The following ZDHHC13 variants were observed in gnomAD, a reference collection of about 807,000 sequenced individuals.
ZDHHC13 encodes zDHHC palmitoyltransferase 13.
Under a neutral mutation model 86.0 loss-of-function variants are expected in ZDHHC13, and 85 were observed. That is an observed-to-expected ratio of 0.99 (90% CI 0.83 to 1.18). ZDHHC13 has a LOEUF of 1.18. Among genes scored for constraint, ZDHHC13 ranks in the 50% most tolerant of loss-of-function variants. ZDHHC13 has a pLI of 0.00. For synonymous variants in ZDHHC13, 263 were observed against 246.4 expected, an observed-to-expected ratio of 1.07 and a Z score of -0.63; for missense variants, 711 against 730.2, an observed-to-expected ratio of 0.97 and a Z score of 0.30.
chr11:19,172,131 G>A (rs982005618), intron 15 of ZDHHC13, among the ~76,000 whole-genome samples: 3 of 152,156 alleles, frequency 2.0e-5, no homozygotes, highest in African/African-American at 7.2e-5. Flanking sequence ...GGAGTGCAGT[G>A]GCGGGATCTC....
chr11:19,156,111 A>G (rs1162222002), intron 9 of ZDHHC13, among the ~76,000 whole-genome samples, 182 bp downstream of exon 9: 2 of 152,224 alleles, frequency 1.3e-5, no homozygotes, highest in African/African-American at 4.8e-5. Flanking sequence ...GCTGAAAGCA[A>G]GTTGCTCAAC....
At chr11:19,151,857 A>G (rs1849616009) in intron 6 of ZDHHC13, among the ~76,000 whole-genome samples, 1 of 152,120 alleles carries the variant, frequency 6.6e-6, no homozygotes, top group African/African-American at 2.4e-5. Context: ...TCTATATTCA[A>G]AGAAAAGTGT....
intron 16 of ZDHHC13, among the ~76,000 whole-genome samples, chr11:19,174,850 T>C (rs979107595): frequency 1.3e-5 from 2 of 152,170 alleles, no homozygotes; most frequent in Non-Finnish European, 2.9e-5. Flanking sequence ...CCAGAGTAGC[T>C]GGAGCAGGAG....
In ZDHHC13 at chr11:19,165,126, G is replaced by A. The variant is rs546718163; in HGVS notation, c.1371G>A (p.Leu457=). 1.2e-6 allele frequency: 2 copies of A among 1,612,704 alleles called. No individual in the cohort carries two copies. The highest frequency in any genetic ancestry group is 2.2e-5 in the East Asian group (1 of 44,860). ...CCVARYDQHC[L]WTGRCIGFGN... is the part of the protein sequence containing the mutation. ...TGGCTCGATATGATCAACACTGCCT[G>A]TGGACTGGACGGTGCATAGGTGAGA... Residue 457 remains leucine (L), a synonymous_variant, in exon 13 of 17, where the codon CTG becomes CTA. Transcript: ENST00000446113.
Position 19,158,922 on chromosome 11 carries a change from T to A in ZDHHC13, c.1008-18T>A. 6.8e-7 allele frequency: 1 copy of A among 1,473,024 alleles called. No individual in the cohort carries two copies. The highest frequency in any genetic ancestry group is 1.3e-5 in the South Asian group (1 of 75,046). 91.2% of individuals were successfully genotyped at this position (1,473,024 alleles called of 1,614,324 possible). A position where few individuals can be genotyped will look rare whatever the true frequency, so the allele number is the denominator to read the frequency against. Reference sequence around the variant, plus strand: ...TACAAGTCATACTAATAACTTATATTTATCTTTTTTCTTTTAGGTTCTTGG... The same window carrying A: ...TACAAGTCATACTAATAACTTATATATATCTTTTTTCTTTTAGGTTCTTGG... On this transcript the variant is annotated intron_variant, in intron 9 of 16. Transcript: ENST00000446113.
intron 10 of ZDHHC13, among the ~76,000 whole-genome samples, chr11:19,159,984 A>T (rs1288217933): frequency 6.6e-6 from 1 of 152,010 alleles, no homozygotes; most frequent in East Asian, 1.9e-4. Context: ...TATACCTTTC[A>T]GTGTGTTCAT....
At chr11:19,118,458 C>A (rs888382369) in intron 1 of ZDHHC13, among the ~76,000 whole-genome samples, 2 of 152,220 alleles carry the variant, frequency 1.3e-5, no homozygotes, top group African/African-American at 4.8e-5. Flanking sequence ...GTTGAATCTT[C>A]ACATGGAAAC....
At chr11:19,169,188 AG>A (rs1850152192) in intron 14 of ZDHHC13, 1 of 985,256 alleles carries the variant, frequency 1.0e-6, no homozygotes, top group African/African-American at 1.7e-5. Context: ...GAAAGAAAAT[AG>A]ATATTCTTTC....
Position 19,176,032 on chromosome 11 carries a change from G to T in ZDHHC13, c.*72G>T. Reference sequence around the variant, plus strand: ...CGATGCCCTGTAGTTTGAAAGTGAAGTAAAGATTTAGAATTCACCTAAGTC... The same window carrying T: ...CGATGCCCTGTAGTTTGAAAGTGAATTAAAGATTTAGAATTCACCTAAGTC... On this transcript the variant is annotated 3_prime_UTR_variant, in exon 17 of 17. Coordinates refer to ENST00000446113, the MANE Select transcript of ZDHHC13 (RefSeq NM_019028.3). 1.3e-6 allele frequency: 2 copies of T among 1,492,676 alleles called. No individual in the cohort carries two copies. 92.5% of individuals were successfully genotyped at this position (1,492,676 alleles called of 1,614,324 possible).
At chr11:19,170,776 C>G (rs1410699704) in intron 15 of ZDHHC13, among the ~76,000 whole-genome samples, 1 of 152,102 alleles carries the variant, frequency 6.6e-6, no homozygotes, top group Non-Finnish European at 1.5e-5. Flanking sequence ...TACATTAAAC[C>G]ACAAGATGGT....
At chr11:19,175,395 A>AAAAAAAAAAAG (rs1232624615) in intron 16 of ZDHHC13, among the ~76,000 whole-genome samples, 2 of 105,740 alleles carry the variant, frequency 1.9e-5, no homozygotes, top group East Asian at 4.7e-4. Context: ...GTCTCAAAAA[A>AAAAAAAAAAAG]AAAAAAAAAA....
intron 10 of ZDHHC13, among the ~76,000 whole-genome samples, chr11:19,160,900 AAG>A (rs1849892421): frequency 6.6e-6 from 1 of 151,952 alleles, no homozygotes; most frequent in Admixed American, 6.6e-5. Context: ...AAATTAACAA[AAG>A]AGAACTGATT....
intron 9 of ZDHHC13, among the ~76,000 whole-genome samples, chr11:19,158,044 C>A (rs1053802216): frequency 6.6e-6 from 1 of 152,202 alleles, no homozygotes; most frequent in East Asian, 1.9e-4. Context: ...GCAAGATCTC[C>A]GACAGACCAT....
chr11:19,170,114 T>A, intron 14 of ZDHHC13: 1 of 1,184,082 alleles, frequency 8.4e-7, no homozygotes. Context: ...AACTTCAGGC[T>A]AGTATATCTT....
At chr11:19,165,267 A>G (rs1213657212) in intron 13 of ZDHHC13, 122 bp downstream of exon 13, 7 of 844,090 alleles carry the variant, frequency 8.3e-6, no homozygotes, top group African/African-American at 1.7e-5. Context: ...TCCAATAGCA[A>G]TGGGCCCATG....
rs1243987767 is a variant in ZDHHC13 at position 19,152,310 on chromosome 11, A to G, written c.737A>G (p.Gln246Arg). Residue 246 changes from glutamine to arginine, a missense_variant, in exon 7 of 17, where the codon CAG becomes CGG. Coordinates refer to ENST00000446113, the MANE Select transcript of ZDHHC13 (RefSeq NM_019028.3). Reference sequence around the variant, plus strand: ...GAAGCTGGTTCTAGCCTGGATATCCAGAATGTTAAGGTATGGCCAGATATT... The same window carrying G: ...GAAGCTGGTTCTAGCCTGGATATCCGGAATGTTAAGGTATGGCCAGATATT... ...LLEAGSSLDI[Q>R]NVKGETPLDM... 6.2e-7 allele frequency: 1 copy of G among 1,613,060 alleles called. No homozygotes were observed. Among genetic ancestry groups the G allele is most frequent in the Admixed American group, 1.7e-5 (1 of 59,932 alleles).
chr11:19,140,138 A>G (rs1348615421), intron 1 of ZDHHC13, among the ~76,000 whole-genome samples: 1 of 150,164 alleles, frequency 6.7e-6, no homozygotes, highest in Non-Finnish European at 1.5e-5. Flanking sequence ...AACCTACAAC[A>G]TGGGAGAAAA....
intron 16 of ZDHHC13, among the ~76,000 whole-genome samples, chr11:19,175,417 A>AAAAT (rs1850336963): frequency 7.4e-6 from 1 of 135,686 alleles, no homozygotes; most frequent in South Asian, 2.3e-4. Context: ...AAAAAAAAAA[A>AAAAT]GGTTTAGGGA....
At chr11:19,140,617 G>T (rs1274710424) in intron 1 of ZDHHC13, among the ~76,000 whole-genome samples, 1 of 152,044 alleles carries the variant, frequency 6.6e-6, no homozygotes, top group African/African-American at 2.4e-5. Context: ...ACATGCACAC[G>T]TATGTTTATT....
Sources: allele counts gnomAD v4.1 joint callset (sites outside exome capture counted in the v4.1 genomes callset), GRCh38; gene constraint gnomAD v4.1.1; transcripts MANE v1.5; gene names NCBI Gene and HGNC (gene_info 2026-07-23, HGNC 2026-07-21).